The following SHISA9 variants were observed in gnomAD, a reference collection of about 807,000 sequenced individuals.
The protein encoded by SHISA9 is shisa family member 9, also known as protein shisa-9.
A neutral mutation model predicts 38.0 loss-of-function variants in SHISA9; 13 were observed. The ratio of observed to expected loss-of-function variants is 0.34; its 90% CI spans 0.22 to 0.54. SHISA9 has a LOEUF of 0.54. SHISA9 is among the 20% of genes least tolerant of loss of function. The probability of loss-of-function intolerance (pLI) is 0.91; values close to 1 mark genes in which losing one functional copy is unlikely to be tolerated. For synonymous variants in SHISA9, 275 were observed against 242.0 expected (o/e 1.14, Z -1.27); for missense variants, 538 against 575.8 (o/e 0.93, Z 0.67).
chr16:13,189,024 G>C (rs1004369945), intron 2 of SHISA9, among the ~76,000 whole-genome samples: 13 of 152,154 alleles, frequency 8.5e-5, no homozygotes, highest in African/African-American at 3.1e-4. Context: ...GCCAAGAAAT[G>C]TCAAAGGTTG....
intron 2 of SHISA9, among the ~76,000 whole-genome samples, chr16:13,002,389 C>T (rs1246471643): frequency 1.3e-5 from 2 of 152,126 alleles, no homozygotes; most frequent in African/African-American, 4.8e-5. Flanking sequence ...AGGAGTTAGT[C>T]GTGATTATCC....
At chr16:13,457,989 C>T in the SHISA9 span, among the ~76,000 whole-genome samples, 15 of 151,768 alleles carry the variant, frequency 9.9e-5, no homozygotes, top group South Asian at 2.3e-3. Context: ...TCCTTCCTTT[C>T]TTCCTTCCTT....
chr16:13,042,971 A>G (rs1259624686), intron 2 of SHISA9, among the ~76,000 whole-genome samples: 1 of 152,214 alleles, frequency 6.6e-6, no homozygotes. Context: ...GGCTTCTAGA[A>G]CAGATAAACC....
At chr16:13,150,044 A>AAC (rs1555466035) in intron 2 of SHISA9, among the ~76,000 whole-genome samples, 1 of 149,426 alleles carries the variant, frequency 6.7e-6, no homozygotes, top group Non-Finnish European at 1.5e-5. Flanking sequence ...AAAAAAAAAA[A>AAC]AAAAAAAAAA....
intron 2 of SHISA9, among the ~76,000 whole-genome samples, chr16:13,019,804 CTTT>C (rs1302540352): frequency 1.4e-5 from 2 of 140,278 alleles, no homozygotes; most frequent in Non-Finnish European, 3.1e-5. Flanking sequence ...TTCTTTCTTT[CTTT>C]CTTTCTTTCT....
the SHISA9 span, among the ~76,000 whole-genome samples, chr16:13,295,847 T>A: frequency 6.6e-6 from 1 of 152,130 alleles, no homozygotes; most frequent in African/African-American, 2.4e-5. Context: ...ATTTGAAAAT[T>A]CAAAGGAAGG....
intron 2 of SHISA9, among the ~76,000 whole-genome samples, chr16:13,100,568 C>A (rs76177535): frequency 0.051 from 7,806 of 152,188 alleles, 340 homozygotes; most frequent in Admixed American, 0.14. Flanking sequence ...CTGGGGCTGG[C>A]AATGTGCTCA....
intron 2 of SHISA9, among the ~76,000 whole-genome samples, chr16:13,038,471 C>G (rs1034456083): frequency 2.6e-5 from 4 of 152,206 alleles, no homozygotes; most frequent in African/African-American, 9.7e-5. Flanking sequence ...TGCTCTATTC[C>G]AACCTCTTGC....
intron 2 of SHISA9, among the ~76,000 whole-genome samples, chr16:13,088,728 T>C (rs950677411): frequency 2.4e-4 from 36 of 152,264 alleles, no homozygotes; most frequent in African/African-American, 8.7e-4. Context: ...GATGGGGTTT[T>C]CTAAATATAC....
intron 2 of SHISA9, among the ~76,000 whole-genome samples, chr16:13,150,168 C>T (rs1026866018): frequency 1.3e-5 from 2 of 152,000 alleles, no homozygotes; most frequent in Admixed American, 1.3e-4. Flanking sequence ...TTCCTCTTCA[C>T]CCAAATTGGC....
At chr16:12,984,531 G>A (rs1033391506) in intron 2 of SHISA9, among the ~76,000 whole-genome samples, 4 of 152,164 alleles carry the variant, frequency 2.6e-5, no homozygotes, top group Non-Finnish European at 4.4e-5. Flanking sequence ...TTAGAGCTGT[G>A]TTTAAGTCAG....
In SHISA9 at chr16:13,013,721, G is replaced by A. The variant is rs955891674; in HGVS notation, c.691+96906G>A. ...GAGGTTAATGTGGTCAAACAAGGCT[G>A]GAAAATAATACCTTTTTTTTTTTTG... On this transcript the variant is annotated intron_variant, in intron 2 of 4. Coordinates refer to ENST00000558583, the MANE Select transcript of SHISA9 (RefSeq NM_001145204.3). 3.3e-5 allele frequency among the ~76,000 whole-genome samples: 5 copies of A among 152,084 alleles called. No individual in the cohort carries two copies. The South Asian group carries it at 1.0e-3, about 31-fold the overall frequency.
chr16:13,440,436 G>C, the SHISA9 span, among the ~76,000 whole-genome samples: 2 of 152,172 alleles, frequency 1.3e-5, no homozygotes, highest in East Asian at 3.9e-4. Context: ...TTTATTGAAG[G>C]GGGAGAAGGA....
intron 2 of SHISA9, among the ~76,000 whole-genome samples, chr16:13,158,929 A>T (rs58190835): frequency 6.6e-6 from 1 of 150,704 alleles, no homozygotes; most frequent in Admixed American, 6.6e-5. Flanking sequence ...GCATGGTGGC[A>T]TGCGCCTGTA....
At chr16:13,020,238 C>T (rs750736340) in intron 2 of SHISA9, among the ~76,000 whole-genome samples, 1 of 151,576 alleles carries the variant, frequency 6.6e-6, no homozygotes, top group Non-Finnish European at 1.5e-5. Context: ...GTTGGCCAGG[C>T]TTGTCTTGAA....
intron 2 of SHISA9, among the ~76,000 whole-genome samples, chr16:12,974,747 A>C (rs965112392): frequency 2.0e-5 from 3 of 151,932 alleles, no homozygotes; most frequent in Admixed American, 6.6e-5. Context: ...CCTCCCATCT[A>C]GCAAGTGATT....
At chr16:13,127,406 A>G (rs2050270918) in intron 2 of SHISA9, among the ~76,000 whole-genome samples, 1 of 134,268 alleles carries the variant, frequency 7.4e-6, no homozygotes, top group African/African-American at 2.8e-5. Flanking sequence ...AAGAGAGAGA[A>G]GGAGACAGAG....
At chr16:13,260,034 T>TTTTTTTTTTG in the SHISA9 span, among the ~76,000 whole-genome samples, 1 of 136,306 alleles carries the variant, frequency 7.3e-6, no homozygotes, top group South Asian at 2.4e-4. Flanking sequence ...TTTTTTTTTT[T>TTTTTTTTTTG]GAGACAGGGT....
chr16:13,371,434 C>G, the SHISA9 span, among the ~76,000 whole-genome samples: 4 of 152,134 alleles, frequency 2.6e-5, no homozygotes, highest in African/African-American at 9.7e-5. Flanking sequence ...ATTCTTGATC[C>G]TGGCTGCACA....
Sources: allele counts gnomAD v4.1 joint callset (sites outside exome capture counted in the v4.1 genomes callset), GRCh38; gene constraint gnomAD v4.1.1; transcripts MANE v1.5; gene names NCBI Gene and HGNC (gene_info 2026-07-23, HGNC 2026-07-21).